Variants in SEMA4D observed in about 807,000 individuals in gnomAD.
SEMA4D encodes the protein semaphorin 4D.
In SEMA4D, 22 loss-of-function variants were observed where a neutral mutation model predicts 74.8. The ratio of observed to expected loss-of-function variants is 0.29; its 90% CI spans 0.21 to 0.42. The LOEUF (loss-of-function observed/expected upper bound fraction) is 0.42, where lower values mean the gene tolerates loss of function less well. SEMA4D is among the 10% of genes least tolerant of loss of function. The probability of loss-of-function intolerance (pLI) is 1.00; values close to 1 mark genes in which losing one functional copy is unlikely to be tolerated. For synonymous variants in SEMA4D, 445 were observed against 463.7 expected, an observed-to-expected ratio of 0.96 and a Z score of 0.52; for missense variants, 937 against 1,118.4, an observed-to-expected ratio of 0.84 and a Z score of 2.31.
chr9:89,479,839 G>A (rs916753899), intron 1 of SEMA4D: 1 of 154,834 alleles, frequency 6.5e-6, no homozygotes, highest in Middle Eastern at 3.1e-3. Flanking sequence ...GCAGTAGCAA[G>A]AGCGAAAGAA....
chr9:89,378,906 G>A lies in SEMA4D; in HGVS notation c.2387C>T (p.Pro796Leu). 5 of 1,614,188 alleles carry A rather than the reference G, an allele frequency of 3.1e-6. No homozygotes were observed. The highest frequency in any genetic ancestry group is 4.2e-6 in the Non-Finnish European group (5 of 1,180,030). Residue 796 changes from proline (P) to leucine (L), a missense_variant, in exon 16 of 16, where the codon CCA becomes CTA. Transcript: ENST00000422704. ...CCCATTCTGCTGGGAGAAGCTCCCT[G>A]GCTCTACTAACGTCTCCTTCAGGCT... ...EQSLKETLVEPGSFSQQNGEH... is the reference protein window; with the variant it reads ...EQSLKETLVELGSFSQQNGEH...
At chr9:89,407,651 A>T (rs1445836088) in intron 2 of SEMA4D, among the ~76,000 whole-genome samples, 7 of 152,130 alleles carry the variant, frequency 4.6e-5, no homozygotes, top group Non-Finnish European at 1.0e-4. Context: ...ACACCTTCTC[A>T]TCACTCAGAA....
intron 11 of SEMA4D, 26 bp from the exon 12 acceptor site, chr9:89,387,634 A>G: frequency 6.2e-7 from 1 of 1,605,416 alleles, no homozygotes; most frequent in Non-Finnish European, 8.5e-7. Context: ...CCCCGCTGTT[A>G]ACGTGCTCGT....
At chr9:89,422,528 GGGTCACGTCCA>G (rs761345553) in intron 2 of SEMA4D, among the ~76,000 whole-genome samples, 17 of 152,242 alleles carry the variant, frequency 1.1e-4, no homozygotes, top group Non-Finnish European at 2.2e-4. Context: ...GGGCCCGCGT[GGGTCACGTCCA>G]GGTCCTGTGT....
In SEMA4D at chr9:89,363,854, T is replaced by C. The variant is rs575591429; in HGVS notation, c.1979A>G (p.His660Arg). 16 of 1,614,132 alleles carry C rather than the reference T, an allele frequency of 9.9e-6. No homozygotes were observed. The South Asian group carries it at 1.5e-4, about 16-fold the overall frequency. Residue 660 changes from histidine to arginine, a missense_variant, in exon 17 of 19, where the codon CAT becomes CGT. His to Arg is a conservative substitution (Grantham distance 29). Coordinates refer to the SEMA4D transcript ENST00000339861. ...GGCGTCCTGCAGCCAGCTGAGTGCATGGGCCCTGCCATCGGGCAGTGCATG... is the reference window on the plus strand; with the variant it reads ...GGCGTCCTGCAGCCAGCTGAGTGCACGGGCCCTGCCATCGGGCAGTGCATG...
intron 16 of SEMA4D, among the ~76,000 whole-genome samples, chr9:89,366,393 G>A (rs935877013): frequency 1.3e-5 from 2 of 152,126 alleles, no homozygotes; most frequent in African/African-American, 4.8e-5. Flanking sequence ...TACTTTGAAG[G>A]AAACATTCTG....
intron 9 of SEMA4D, among the ~76,000 whole-genome samples, chr9:89,390,237 C>G (rs961796603): frequency 6.6e-6 from 1 of 152,116 alleles, no homozygotes; most frequent in Non-Finnish European, 1.5e-5. Flanking sequence ...GCACTGTGCA[C>G]GCCTGCCAGG....
chr9:89,477,583 G>T (rs1267594998), intron 1 of SEMA4D, among the ~76,000 whole-genome samples: 2 of 152,136 alleles, frequency 1.3e-5, no homozygotes, highest in African/African-American at 4.8e-5. Context: ...ATAAAGCAAG[G>T]TGCATACCTC....
At chr9:89,474,960 A>C (rs1682780158) in intron 1 of SEMA4D, among the ~76,000 whole-genome samples, 2 of 152,232 alleles carry the variant, frequency 1.3e-5, no homozygotes, top group Non-Finnish European at 2.9e-5. Flanking sequence ...CTGGCTTTAG[A>C]ACCTGAGGAG....
chr9:89,381,900 T>G lies in SEMA4D; in HGVS notation c.1447-554A>C, dbSNP rs1356785946. On this transcript the variant is annotated intron_variant, in intron 13 of 15. Transcript: ENST00000422704. The surrounding 1 kb of genome is among the most constrained non-coding windows in gnomAD (Gnocchi z 4.6). ...TAACAGGGATGCCAAACGGACGACATGCAAAGGATGAGGAGATCGTGATAC... is the reference window on the plus strand; with the variant it reads ...TAACAGGGATGCCAAACGGACGACAGGCAAAGGATGAGGAGATCGTGATAC... 2 of 152,586 alleles carry G rather than the reference T, an allele frequency of 1.3e-5. No individual in the cohort carries two copies. The highest frequency in any genetic ancestry group is 2.4e-5 in the African/African-American group (1 of 41,430). 9.5% of individuals were successfully genotyped at this position (152,586 alleles called of 1,614,324 possible). A position where few individuals can be genotyped will look rare whatever the true frequency, so the allele number is the denominator to read the frequency against.
intron 16 of SEMA4D, chr9:89,364,276 A>G: frequency 2.4e-6 from 1 of 411,958 alleles, no homozygotes; most frequent in Non-Finnish European, 4.6e-6. Context: ...GCCTTGGAAC[A>G]GCATCCCACC....
At chr9:89,480,976 C>T (rs1051261638) in intron 1 of SEMA4D, among the ~76,000 whole-genome samples, 4 of 152,240 alleles carry the variant, frequency 2.6e-5, no homozygotes, top group Non-Finnish European at 2.9e-5. Context: ...CACGCTGTCA[C>T]CTCTCACTAT....
intron 2 of SEMA4D, among the ~76,000 whole-genome samples, chr9:89,410,379 C>A (rs1428795465): frequency 6.6e-6 from 1 of 152,192 alleles, no homozygotes; most frequent in Non-Finnish European, 1.5e-5. Context: ...GTGTTTACCA[C>A]CAACCCTGTC....
At chr9:89,363,329 G>A in intron 18 of SEMA4D, 1 of 1,516,810 alleles carries the variant, frequency 6.6e-7, no homozygotes, top group Non-Finnish European at 8.8e-7. Flanking sequence ...GGAACAAGTG[G>A]GGTCCATGCT....
At chr9:89,418,096 A>G in intron 2 of SEMA4D, 1 of 985,242 alleles carries the variant, frequency 1.0e-6, no homozygotes, top group Non-Finnish European at 1.2e-6. Flanking sequence ...TCATTTCTAG[A>G]AAGACGTCTT....
downstream of SEMA4D, among the ~76,000 whole-genome samples, chr9:89,372,679 A>T (rs906736021): frequency 1.3e-5 from 2 of 151,984 alleles, no homozygotes; most frequent in African/African-American, 4.8e-5. Flanking sequence ...TCAGGATCAT[A>T]GGGCTAGCGG....
chr9:89,387,740 A>T (rs1287149800), intron 11 of SEMA4D, 132 bp from the exon 12 acceptor site: 1 of 705,290 alleles, frequency 1.4e-6, no homozygotes, highest in Non-Finnish European at 2.4e-6. Flanking sequence ...AAATGAGGGT[A>T]GCAGTGAATA....
intron 1 of SEMA4D, among the ~76,000 whole-genome samples, chr9:89,495,026 T>C (rs560919919): frequency 6.6e-5 from 10 of 152,288 alleles, no homozygotes; most frequent in Non-Finnish European, 1.3e-4. Context: ...CAGGCTTTGA[T>C]CGAAGCCAGA....
chr9:89,377,134 A>G, downstream of SEMA4D: 1 of 1,451,330 alleles, frequency 6.9e-7, no homozygotes, highest in Non-Finnish European at 9.1e-7. Flanking sequence ...AGGGCAAAAC[A>G]CAGCAGGAAA....
Sources: gnomAD v4.1 joint callset for allele counts (sites outside exome capture counted in the v4.1 genomes callset) on GRCh38, gnomAD v4.1.1 for gene constraint, Gnocchi (gnomAD v3.1) non-coding constraint, MANE v1.5 for transcripts, NCBI Gene and HGNC (gene_info 2026-07-23, HGNC 2026-07-21) for gene names.